UGT1A9: variants seen among roughly 807,000 people sequenced by gnomAD.
UGT1A9 encodes UDP-glucuronosyltransferase 1A9.
UGT1A9 carries 35 observed loss-of-function variants against 45.0 expected under a neutral mutation model. That is an observed-to-expected ratio of 0.78 (90% CI 0.59 to 1.03). The LOEUF (loss-of-function observed/expected upper bound fraction) is 1.03, where lower values mean the gene tolerates loss of function less well. Ranked by LOEUF, UGT1A9 falls within the 50% of genes least tolerant of loss-of-function variation. The pLI, the probability that UGT1A9 is intolerant of heterozygous loss-of-function variation, is 0.00. For synonymous variants in UGT1A9, 278 were observed against 250.6 expected (o/e 1.11, Z -1.03); for missense variants, 687 against 666.6 (o/e 1.03, Z -0.34).
chr2:233,713,358 A>T, intron 1 of UGT1A9: 1 of 1,614,168 alleles, frequency 6.2e-7, no homozygotes, highest in Non-Finnish European at 8.5e-7. Context: ...TATGTCTTTG[A>T]TCATACATAG....
intron 1 of UGT1A9, among the ~76,000 whole-genome samples, chr2:233,736,416 C>T (rs933216996): frequency 3.3e-5 from 5 of 152,094 alleles, no homozygotes; most frequent in Non-Finnish European, 4.4e-5. Context: ...TTCATCTAAC[C>T]TTTTTTCAAG....
rs545178357 is a variant in UGT1A9 at position 233,762,901 on chromosome 2, A to C, written c.856-4133A>C. ...TCTTATAAATTCCATGCCAAATATC[A>C]GGGCTATTGAATTTATTAGAATCTC... On this transcript the variant is annotated intron_variant, in intron 1 of 4. Coordinates refer to ENST00000354728, the MANE Select transcript of UGT1A9 (RefSeq NM_021027.3). Among the ~76,000 whole-genome samples the C allele has an allele frequency of 3.3e-5, 5 of 152,312 alleles. No homozygotes were observed. In the South Asian group the frequency reaches 1.0e-3, roughly 32 times the overall value.
At chr2:233,706,177 GTC>G (rs1466872999) in intron 1 of UGT1A9, among the ~76,000 whole-genome samples, 2 of 152,312 alleles carry the variant, frequency 1.3e-5, no homozygotes, top group East Asian at 3.9e-4. Context: ...AATGTGGTGT[GTC>G]TGCCCAGGCT....
intron 1 of UGT1A9, among the ~76,000 whole-genome samples, chr2:233,724,264 C>G (rs1250827727): frequency 2.6e-5 from 3 of 116,548 alleles, no homozygotes; most frequent in Non-Finnish European, 3.6e-5. Context: ...ACCTCCCGGA[C>G]GGGGCGGCTG....
At chr2:233,743,198 T>C in intron 1 of UGT1A9, 1 of 382,298 alleles carries the variant, frequency 2.6e-6, no homozygotes, top group Non-Finnish European at 5.2e-6. Context: ...TTACTTGGTG[T>C]CAATGCGGAG....
At position 233,682,362 on chromosome 2, in the gene UGT1A9, T is replaced by C. The variant is rs747551450; in HGVS notation, c.855+9573T>C. ...GTAGAATACTTAAAGGAGAGTTGTT[T>C]TGATGCAGTGTTTCTCGATCCTTTT... On this transcript the variant is annotated intron_variant, in intron 1 of 4. Coordinates refer to ENST00000354728, the MANE Select transcript of UGT1A9 (RefSeq NM_021027.3). 18 of 1,614,152 alleles carry C rather than the reference T, an allele frequency of 1.1e-5. No homozygotes were observed. The South Asian group carries it at 2.0e-4, about 18-fold the overall frequency.
At chr2:233,717,369 C>T (rs1261511605) in intron 1 of UGT1A9, among the ~76,000 whole-genome samples, 1 of 152,214 alleles carries the variant, frequency 6.6e-6, no homozygotes, top group Non-Finnish European at 1.5e-5. Context: ...GTTCTCAAGC[C>T]CTTACAGACC....
Position 233,743,942 on chromosome 2 carries a change from G to A in UGT1A9, c.856-23092G>A, listed in dbSNP as rs1297528257. On this transcript the variant is annotated intron_variant, in intron 1 of 4. Coordinates refer to ENST00000354728, the MANE Select transcript of UGT1A9 (RefSeq NM_021027.3). ...GCTGGATGGCCAGAACGGCCCACCA[G>A]GCACTGGCACAGCGAGCGGCAAGGC... 3 of 1,352,602 alleles carry A rather than the reference G, an allele frequency of 2.2e-6. No individual in the cohort carries two copies. The African/African-American group carries it at 4.5e-5, about 20-fold the overall frequency. The allele number at this position is 1,352,602 out of a possible 1,614,324, so 83.8% of individuals were successfully genotyped here.
chr2:233,760,502 C>T (rs534361076), intron 1 of UGT1A9: 2 of 1,614,242 alleles, frequency 1.2e-6, no homozygotes, highest in Non-Finnish European at 1.7e-6. Flanking sequence ...AGAGACGGAG[C>T]ATTTTACACC....
rs570797148 is a variant in UGT1A9, at chr2:233,754,249, G to A, written c.856-12785G>A. The A allele has an allele frequency of 1.1e-3, 192 of 168,812 alleles. 1 individual carries two copies. The South Asian group carries it at 0.012, about 11-fold the overall frequency. 10.5% of individuals were successfully genotyped at this position (168,812 alleles called of 1,614,324 possible). A position where few individuals can be genotyped will look rare whatever the true frequency, so the allele number is the denominator to read the frequency against. On this transcript the variant is annotated intron_variant, in intron 1 of 4. Coordinates refer to ENST00000354728, the MANE Select transcript of UGT1A9 (RefSeq NM_021027.3). ...ACCACCTGGCTCACACTTTCCCAAC[G>A]GAAAAAGGTAAGGCTCAAAGTGCTG...
rs145652010 is a variant in UGT1A9 at position 233,744,794 on chromosome 2, G to C, written c.856-22240G>C. On this transcript the variant is annotated intron_variant, in intron 1 of 4. Coordinates refer to ENST00000354728, the MANE Select transcript of UGT1A9 (RefSeq NM_021027.3). ...CAAAATTCTCCTGAAAAATTCTTGG[G>C]GATCCCTAGGATTTCCTGGCTCATA... 2.6e-3 allele frequency among the ~76,000 whole-genome samples: 393 copies of C among 151,892 alleles called. 13 individuals are homozygous for C. The highest frequency in any genetic ancestry group is 8.3e-3 in the African/African-American group (341 of 41,188).
At chr2:233,707,920 A>C (rs1233939491) in intron 1 of UGT1A9, among the ~76,000 whole-genome samples, 2 of 152,212 alleles carry the variant, frequency 1.3e-5, no homozygotes. Context: ...TGAGGGTTTT[A>C]AAATATACTT....
chr2:233,697,824 A>G (rs1392359237), intron 1 of UGT1A9, among the ~76,000 whole-genome samples: 2 of 152,174 alleles, frequency 1.3e-5, no homozygotes, highest in East Asian at 3.8e-4. Flanking sequence ...AATTTCAAGA[A>G]AATCTAATTA....
chr2:233,724,474 C>G, intron 1 of UGT1A9, among the ~76,000 whole-genome samples: 1 of 78,814 alleles, frequency 1.3e-5, no homozygotes, highest in East Asian at 2.8e-4. Flanking sequence ...GGGCTCCTCA[C>G]TTCTCAGACG....
At chr2:233,755,154 C>CT in intron 1 of UGT1A9, 2 of 1,296,006 alleles carry the variant, frequency 1.5e-6, no homozygotes, top group Non-Finnish European at 2.1e-6. Flanking sequence ...CGCTTCCTCC[C>CT]TGTCCTCGGG....
chr2:233,729,159 G>A (rs781569400), intron 1 of UGT1A9: 4 of 1,613,520 alleles, frequency 2.5e-6, no homozygotes, highest in Non-Finnish European at 3.4e-6. Context: ...CCCTGCCGTG[G>A]CTGGCCACAG....
chr2:233,739,125 T>C (rs1690989547), intron 1 of UGT1A9: 1 of 152,272 alleles, frequency 6.6e-6, no homozygotes. Flanking sequence ...ACACAGAAGA[T>C]AAGAATTTAG....
rs570257028 is a variant in UGT1A9, at chr2:233,711,809, T to C, written c.855+39020T>C. Among the ~76,000 whole-genome samples the C allele has an allele frequency of 2.0e-5, 3 of 152,276 alleles. No individual in the cohort carries two copies. The South Asian group carries it at 6.2e-4, about 32-fold the overall frequency. On this transcript the variant is annotated intron_variant, in intron 1 of 4. Transcript: ENST00000354728. ...CAGCCCAGAGAGCCTGCCCACATCA[T>C]CCTGGGGCGACCAGGACAAGGAGGC...
At chr2:233,697,646 CT>C (rs2075403503) in intron 1 of UGT1A9, among the ~76,000 whole-genome samples, 1 of 150,654 alleles carries the variant, frequency 6.6e-6, no homozygotes, top group African/African-American at 2.4e-5. Context: ...TTTTTAGTTC[CT>C]TGAGGTGCAT....
Sources: allele counts gnomAD v4.1 joint callset (sites outside exome capture counted in the v4.1 genomes callset), GRCh38; gene constraint gnomAD v4.1.1; transcripts MANE v1.5; gene names NCBI Gene and HGNC (gene_info 2026-07-23, HGNC 2026-07-21).